Variants in STAB2 observed in about 807,000 individuals in gnomAD.
The protein encoded by STAB2 is stabilin-2.
A neutral mutation model predicts 338.1 loss-of-function variants in STAB2; 288 were observed. The ratio of observed to expected loss-of-function variants is 0.85; its 90% CI spans 0.77 to 0.94. The LOEUF (loss-of-function observed/expected upper bound fraction) is 0.94, where lower values mean the gene tolerates loss of function less well. STAB2 is among the 40% of genes least tolerant of loss of function. The pLI, the probability that STAB2 is intolerant of heterozygous loss-of-function variation, is 0.00. For missense variants in STAB2, 3,141 were observed against 3,210.1 expected (o/e 0.98, Z 0.52); for synonymous variants, 1,202 against 1,193.3 (o/e 1.01, Z -0.15).
chr12:103,656,911 C>A (rs1874231600), intron 15 of STAB2, among the ~76,000 whole-genome samples: 1 of 151,456 alleles, frequency 6.6e-6, no homozygotes, highest in African/African-American at 2.4e-5. Context: ...TGGTCTCGAT[C>A]TCCTGACCTC....
At chr12:103,656,532 TC>T (rs754831182) in intron 15 of STAB2, among the ~76,000 whole-genome samples, 4 of 152,204 alleles carry the variant, frequency 2.6e-5, no homozygotes, top group Non-Finnish European at 4.4e-5. Flanking sequence ...CCACCAACTT[TC>T]TAATTCAGAT....
At chr12:103,637,891 G>T in intron 7 of STAB2, 125 bp from the exon 8 acceptor site, 2 of 987,968 alleles carry the variant, frequency 2.0e-6, no homozygotes, top group South Asian at 3.2e-5. Flanking sequence ...GGAAATGAAA[G>T]GAAATGTTTG....
At chr12:103,695,453 G>A in intron 31 of STAB2, 97 bp from the exon 32 acceptor site, 1 of 1,083,826 alleles carries the variant, frequency 9.2e-7, no homozygotes, top group Non-Finnish European at 1.4e-6. Context: ...CCATTGAACT[G>A]TCTAAAGAGG....
chr12:103,705,766 C>A (rs11111718), intron 37 of STAB2, 39 bp downstream of exon 37: 463,854 of 1,583,710 alleles, frequency 0.29, 70,735 homozygotes, highest in Admixed American at 0.41. Flanking sequence ...TACTGCAGCA[C>A]CATTGGGAAA....
rs559382227 is a variant in STAB2 at position 103,760,975 on chromosome 12, G to C, written c.7249-325G>C. The stretch of plus-strand genomic sequence containing the variant: ...AGTGTGGTGCGATGTTCAGTGCATG[G>C]ACGCAGCGTCCACAGGCATGGGGTT... On this transcript the variant is annotated intron_variant, in intron 65 of 68. Transcript: ENST00000388887. 1.7e-3 allele frequency among the ~76,000 whole-genome samples: 243 copies of C among 142,978 alleles called. 1 individual carries two copies. Among genetic ancestry groups the C allele is most frequent in the Middle Eastern group, 7.0e-3 (2 of 286 alleles). 93.8% of individuals were successfully genotyped at this position (142,978 alleles called of 152,430 possible). A position where few individuals can be genotyped will look rare whatever the true frequency, so the allele number is the denominator to read the frequency against.
In STAB2 at chr12:103,766,473, TG is replaced by T. The variant is rs1053125712; in HGVS notation, c.*142del. ...CCATACCTCATCTCTCTGGCTGATC[TG>T]GGGGTTGTTTCTGTGGGTGAGAGAT... On this transcript the variant is annotated 3_prime_UTR_variant, in exon 69 of 69. Coordinates refer to ENST00000388887, the MANE Select transcript of STAB2 (RefSeq NM_017564.10). 4.9e-6 allele frequency: 5 copies of T among 1,013,288 alleles called. No homozygotes were observed. The highest frequency in any genetic ancestry group is 7.1e-6 in the Non-Finnish European group (5 of 702,396). 62.8% of individuals were successfully genotyped at this position (1,013,288 alleles called of 1,614,324 possible). A position where few individuals can be genotyped will look rare whatever the true frequency, so the allele number is the denominator to read the frequency against.
chr12:103,737,493 A>G, intron 52 of STAB2, 141 bp from the exon 53 acceptor site: 1 of 877,536 alleles, frequency 1.1e-6, no homozygotes, highest in Non-Finnish European at 1.7e-6. Context: ...ATGGGGTTTT[A>G]TTAAGTTCTT....
At chr12:103,663,123 G>A in intron 18 of STAB2, 125 bp downstream of exon 18, 1 of 1,220,836 alleles carries the variant, frequency 8.2e-7, no homozygotes, top group Non-Finnish European at 1.1e-6. Flanking sequence ...GTCCCCAAAG[G>A]GCTTCCGTCT....
intron 60 of STAB2, among the ~76,000 whole-genome samples, chr12:103,752,565 G>A (rs12423929): frequency 0.087 from 13,202 of 152,214 alleles, 809 homozygotes; most frequent in East Asian, 0.24. Context: ...GTATCTTAGG[G>A]GGAAATGAAT....
chr12:103,637,947 C>T (rs1957575382), intron 7 of STAB2, 69 bp from the exon 8 acceptor site: 6 of 1,506,446 alleles, frequency 4.0e-6, no homozygotes, highest in Non-Finnish European at 4.5e-6. Flanking sequence ...TCCACTGTTG[C>T]TCACGGTTCA....
Position 103,688,194 on chromosome 12 carries a change from T to C in STAB2, c.3024T>C (p.Ala1008=). ...AVELSFLSEA[A]IFNRWINNAS... is the part of the protein sequence containing the mutation. The stretch of plus-strand genomic sequence containing the variant: ...AATTGTCATTTCTCTCCGAAGCAGC[T>C]ATATTTAACCGATGGATAAATGTGA... The change falls in exon 28 of 69, where the codon GCT becomes GCC. Residue 1008 remains alanine, a synonymous_variant. Coordinates refer to ENST00000388887, the MANE Select transcript of STAB2 (RefSeq NM_017564.10). 6.2e-7 allele frequency: 1 copy of C among 1,613,964 alleles called. No individual in the cohort carries two copies. Among genetic ancestry groups the C allele is most frequent in the Non-Finnish European group, 8.5e-7 (1 of 1,179,808 alleles).
intron 34 of STAB2, among the ~76,000 whole-genome samples, chr12:103,701,659 A>C (rs1420378794): frequency 6.6e-6 from 1 of 152,242 alleles, no homozygotes; most frequent in Non-Finnish European, 1.5e-5. Flanking sequence ...AAATAGCTCA[A>C]CATCTTAGAA....
intron 44 of STAB2, among the ~76,000 whole-genome samples, chr12:103,721,947 T>C (rs1455732801): frequency 2.0e-5 from 3 of 152,236 alleles, no homozygotes; most frequent in African/African-American, 7.2e-5. Context: ...GTTCTACTCA[T>C]GAAGATAAGG....
Position 103,745,305 on chromosome 12 carries a change from G to T in STAB2, c.6136+28G>T, listed in dbSNP as rs574834364. ...CAGTCATGGGAGTGGTCAGCTGCTG[G>T]CAGCCCAGGGCTGCAGTGGACACTG... is the stretch of plus-strand genomic sequence containing the variant. On this transcript the variant is annotated intron_variant, in intron 57 of 68. Coordinates refer to ENST00000388887, the MANE Select transcript of STAB2 (RefSeq NM_017564.10). The T allele has an allele frequency of 8.1e-5, 129 of 1,600,808 alleles. No homozygotes were observed. The East Asian group carries it at 2.6e-3, about 32-fold the overall frequency.
chr12:103,666,455 G>A (rs1376289674), intron 19 of STAB2, 102 bp downstream of exon 19: 9 of 1,250,052 alleles, frequency 7.2e-6, no homozygotes, highest in Non-Finnish European at 1.0e-5. Flanking sequence ...ATTAATTGCA[G>A]CTGGGGTAAT....
intron 3 of STAB2, among the ~76,000 whole-genome samples, chr12:103,602,129 C>T (rs966979598): frequency 6.6e-6 from 1 of 152,216 alleles, no homozygotes; most frequent in South Asian, 2.1e-4. Flanking sequence ...CCTCCTTCAA[C>T]TCCCAATCCC....
intron 3 of STAB2, among the ~76,000 whole-genome samples, chr12:103,598,267 A>T (rs1956905831): frequency 6.6e-6 from 1 of 152,188 alleles, no homozygotes; most frequent in Admixed American, 6.5e-5. Context: ...AGGCACCTCT[A>T]GAGTTTCTTA....
intron 68 of STAB2, among the ~76,000 whole-genome samples, chr12:103,764,688 G>A (rs1884786980): frequency 6.6e-6 from 1 of 152,160 alleles, no homozygotes; most frequent in African/African-American, 2.4e-5. Flanking sequence ...ATATCTTGTG[G>A]TTCTTCATGC....
At chr12:103,640,084 C>T (rs1389047311) in intron 8 of STAB2, 39 bp from the exon 9 acceptor site, 7 of 1,572,668 alleles carry the variant, frequency 4.5e-6, no homozygotes. Context: ...AAGTAACTAA[C>T]TAGGATCCTA....
Sources: gnomAD v4.1 joint callset for allele counts (sites outside exome capture counted in the v4.1 genomes callset) on GRCh38, gnomAD v4.1.1 for gene constraint, MANE v1.5 for transcripts, NCBI Gene and HGNC (gene_info 2026-07-23, HGNC 2026-07-21) for gene names.